DCN: variants seen among roughly 807,000 people sequenced by gnomAD.
The protein encoded by DCN is bone proteoglycan II.
In DCN, 17 loss-of-function variants were observed where a neutral mutation model predicts 36.5. The observed-to-expected ratio is 0.47, with a 90% CI of 0.32 to 0.70. The LOEUF (loss-of-function observed/expected upper bound fraction) is 0.70. Ranked by LOEUF, DCN falls within the 30% of genes least tolerant of loss-of-function variation. The probability of loss-of-function intolerance (pLI) is 0.04; values close to 1 mark genes in which losing one functional copy is unlikely to be tolerated. For missense variants in DCN, 389 were observed against 430.1 expected (o/e 0.90, Z 0.84); for synonymous variants, 163 against 161.4 (o/e 1.01, Z -0.07).
At position 91,145,865 on chromosome 12, in the gene DCN, G is replaced by GAA; in HGVS notation, c.*191_*192dup. The stretch of plus-strand genomic sequence containing the variant: ...ACAGAAAGCTTCAAAAGATGATTCT[G>GAA]AAAATGGCAGGCAAAATTTCTTTTT... On this transcript the variant is annotated 3_prime_UTR_variant, in exon 8 of 8. Coordinates refer to ENST00000052754, the MANE Select transcript of DCN (RefSeq NM_001920.5). 1 of 582,088 alleles carries GAA rather than the reference G, an allele frequency of 1.7e-6. No individual in the cohort carries two copies. The highest frequency in any genetic ancestry group is 1.9e-5 in the African/African-American group (1 of 53,530). 36.1% of individuals were successfully genotyped at this position (582,088 alleles called of 1,614,324 possible). A position where few individuals can be genotyped will look rare whatever the true frequency, so the allele number is the denominator to read the frequency against.
In DCN at chr12:91,141,741, C is replaced by A. The variant is rs1488787870; in HGVS notation, c.*4317G>T. ...TTGATTTGTGTTTCTATGCTTGTTC[C>A]TGATGGCCTGGAAGCATTCATTCAG... On this transcript the variant is annotated 3_prime_UTR_variant, in exon 8 of 8. Transcript: ENST00000052754. The A allele has an allele frequency of 6.6e-6, 1 of 152,042 alleles. No individual in the cohort carries two copies. The highest frequency in any genetic ancestry group is 2.4e-5 in the African/African-American group (1 of 41,392). The allele number at this position is 152,042 out of a possible 1,614,324, so 9.4% of individuals were successfully genotyped here. A position where few individuals can be genotyped will look rare whatever the true frequency, so the allele number is the denominator to read the frequency against.
At position 91,143,707 on chromosome 12, in the gene DCN, A is replaced by T. The variant is rs1007675485; in HGVS notation, c.*2351T>A. ...GAAATGAGTCACAGAAAGGTTAACT[A>T]GCTTCCCTTAGTCATGCAAATAGTA... On this transcript the variant is annotated 3_prime_UTR_variant, in exon 8 of 8. Transcript: ENST00000052754. 2.0e-5 allele frequency: 3 copies of T among 151,900 alleles called. No individual in the cohort carries two copies. Among genetic ancestry groups the T allele is most frequent in the African/African-American group, 7.3e-5 (3 of 41,354 alleles). The allele number at this position is 151,900 out of a possible 1,614,324, so 9.4% of individuals were successfully genotyped here. A position where few individuals can be genotyped will look rare whatever the true frequency, so the allele number is the denominator to read the frequency against.
In DCN at chr12:91,152,834, T is replaced by G. The variant is rs990614940; in HGVS notation, c.746+262A>C. 2.6e-5 allele frequency among the ~76,000 whole-genome samples: 4 copies of G among 152,230 alleles called. No individual in the cohort carries two copies. In the South Asian group the frequency reaches 8.3e-4, roughly 32 times the overall value. On this transcript the variant is annotated intron_variant, in intron 6 of 7. Transcript: ENST00000052754. ...CATATTGATTTAATCACACACTTTG[T>G]GTATAAAATATAACTAATCTATAAA...
chr12:91,152,314 T>TATATATATATATATAC (rs199719021), intron 6 of DCN, among the ~76,000 whole-genome samples: 1 of 151,896 alleles, frequency 6.6e-6, no homozygotes, highest in African/African-American at 2.4e-5. Flanking sequence ...TATATATATA[T>TATATATATATATATAC]ACACATTCAA....
At chr12:91,150,906 T>C (rs1881365586) in intron 7 of DCN, 1 of 152,326 alleles carries the variant, frequency 6.6e-6, no homozygotes. Flanking sequence ...TGGAATACTA[T>C]GCAGCCATAA....
intron 6 of DCN, 80 bp from the exon 7 acceptor site, chr12:91,151,872 A>G (rs1219860920): frequency 3.9e-6 from 6 of 1,553,110 alleles, no homozygotes; most frequent in East Asian, 2.3e-5. Context: ...AATCAAGTCT[A>G]TAGGAAAGGA....
In DCN at chr12:91,144,865, T is replaced by C. The variant is rs1880917004; in HGVS notation, c.*1193A>G. On this transcript the variant is annotated 3_prime_UTR_variant, in exon 8 of 8. Transcript: ENST00000052754. ...GATTACCTCTCATGTGAGCCACTAC[T>C]ATAACTTGCACATATTTCTATGACA... 6.6e-6 allele frequency: 1 copy of C among 152,232 alleles called. No homozygotes were observed. The highest frequency in any genetic ancestry group is 1.5e-5 in the Non-Finnish European group (1 of 68,030). The allele number at this position is 152,232 out of a possible 1,614,324, so 9.4% of individuals were successfully genotyped here.
Position 91,144,399 on chromosome 12 carries a change from T to C in DCN, c.*1659A>G, listed in dbSNP as rs1322295278. 6.6e-6 allele frequency: 1 copy of C among 152,102 alleles called. No homozygotes were observed. Among genetic ancestry groups the C allele is most frequent in the East Asian group, 1.9e-4 (1 of 5,188 alleles). 9.4% of individuals were successfully genotyped at this position (152,102 alleles called of 1,614,324 possible). The stretch of plus-strand genomic sequence containing the variant: ...CCTTGAATTCCTGAATGTCTTCCAA[T>C]AGAAACCACCTATTCAACTGTAGTC... On this transcript the variant is annotated 3_prime_UTR_variant, in exon 8 of 8. Transcript: ENST00000052754.
intron 3 of DCN, among the ~76,000 whole-genome samples, chr12:91,158,921 G>A (rs188535410): frequency 1.5e-3 from 226 of 151,216 alleles, no homozygotes; most frequent in African/African-American, 5.1e-3. Context: ...GAGATCACAC[G>A]ACTGCACTCC....
intron 7 of DCN, 170 bp downstream of exon 7, chr12:91,151,483 AT>A: frequency 1.4e-6 from 1 of 710,486 alleles, no homozygotes; most frequent in South Asian, 1.6e-5. Context: ...GCTAATGTAA[AT>A]TGTGCTTCAT....
intron 3 of DCN, among the ~76,000 whole-genome samples, chr12:91,163,685 G>C (rs184998298): frequency 1.1e-4 from 16 of 152,034 alleles, no homozygotes; most frequent in Admixed American, 1.3e-4. Context: ...TAAACATACA[G>C]ATAAGGACAC....
intron 7 of DCN, among the ~76,000 whole-genome samples, chr12:91,149,264 T>C (rs2121155680): frequency 6.6e-6 from 1 of 152,324 alleles, no homozygotes; most frequent in African/African-American, 2.4e-5. Flanking sequence ...ACATGATTTA[T>C]CTCAGGGTTG....
chr12:91,158,937 T>C (rs1176983308), intron 3 of DCN, among the ~76,000 whole-genome samples: 3 of 151,238 alleles, frequency 2.0e-5, no homozygotes, highest in Non-Finnish European at 4.4e-5. Context: ...ACTCCAGCCT[T>C]GGTGACTGGG....
At chr12:91,157,987 C>T (rs1056716027) in intron 4 of DCN, among the ~76,000 whole-genome samples, 12 of 152,108 alleles carry the variant, frequency 7.9e-5, no homozygotes, top group Admixed American at 6.6e-5. Flanking sequence ...GTCCCCAAAA[C>T]GGAAAGGTAT....
intron 3 of DCN, 109 bp downstream of exon 3, chr12:91,164,496 C>G (rs1882405717): frequency 6.1e-6 from 3 of 489,150 alleles, no homozygotes; most frequent in Non-Finnish European, 1.1e-5. Context: ...TTAATAAACA[C>G]TAATGTGCTT....
At position 91,145,885 on chromosome 12, in the gene DCN, C is replaced by A. The variant is rs1880976943; in HGVS notation, c.*173G>T. 2 of 603,194 alleles carry A rather than the reference C, an allele frequency of 3.3e-6. No individual in the cohort carries two copies. The highest frequency in any genetic ancestry group is 3.0e-5 in the Admixed American group (1 of 33,664). 37.4% of individuals were successfully genotyped at this position (603,194 alleles called of 1,614,324 possible). A position where few individuals can be genotyped will look rare whatever the true frequency, so the allele number is the denominator to read the frequency against. ...ATTCTGAAAATGGCAGGCAAAATTT[C>A]TTTTTATTGTAGGCAATTACTTAAA... On this transcript the variant is annotated 3_prime_UTR_variant, in exon 8 of 8. Coordinates refer to ENST00000052754, the MANE Select transcript of DCN (RefSeq NM_001920.5).
chr12:91,177,276 T>G, intron 2 of DCN: 1 of 381,966 alleles, frequency 2.6e-6, no homozygotes, highest in Non-Finnish European at 4.7e-6. Flanking sequence ...ATACTTTATA[T>G]TTTTTCTGGG....
At chr12:91,147,360 T>C (rs1265914634) in intron 7 of DCN, among the ~76,000 whole-genome samples, 1 of 151,838 alleles carries the variant, frequency 6.6e-6, no homozygotes, top group Admixed American at 6.6e-5. Flanking sequence ...GACCATCCCA[T>C]TCTGCCATTC....
At chr12:91,157,211 G>C (rs779649768) in intron 4 of DCN, 23 bp from the exon 5 acceptor site, 6 of 1,540,292 alleles carry the variant, frequency 3.9e-6, no homozygotes, top group Admixed American at 1.7e-5. Flanking sequence ...TAAGTGCAAG[G>C]CTTTTAGAGG....
Sources: gnomAD v4.1 joint callset for allele counts (sites outside exome capture counted in the v4.1 genomes callset) on GRCh38, gnomAD v4.1.1 for gene constraint, MANE v1.5 for transcripts, NCBI Gene and HGNC (gene_info 2026-07-23, HGNC 2026-07-21) for gene names.